PICALM: variants seen among roughly 807,000 people sequenced by gnomAD.
PICALM encodes the protein phosphatidylinositol binding clathrin assembly protein.
Under a neutral mutation model 80.5 loss-of-function variants are expected in PICALM, and 40 were observed. That is an observed-to-expected ratio of 0.50 (90% CI 0.39 to 0.65). The LOEUF (loss-of-function observed/expected upper bound fraction) is 0.65. Ranked by LOEUF, PICALM falls within the 30% of genes least tolerant of loss-of-function variation. PICALM has a pLI of 0.00. For synonymous variants in PICALM, 288 were observed against 260.3 expected (o/e 1.11, Z -1.02); for missense variants, 676 against 778.9 (o/e 0.87, Z 1.57).
chr11:86,037,110 T>C (rs1483405967), intron 1 of PICALM, among the ~76,000 whole-genome samples: 1 of 151,016 alleles, frequency 6.6e-6, no homozygotes, highest in Non-Finnish European at 1.5e-5. Flanking sequence ...CACGCCCAGC[T>C]AATTTTTGTA....
chr11:86,045,506 C>T (rs1182809219), intron 1 of PICALM, among the ~76,000 whole-genome samples: 1 of 105,878 alleles, frequency 9.4e-6, no homozygotes, highest in Non-Finnish European at 1.8e-5. Context: ...TAGTGAGACC[C>T]TGTCTTGAAA....
chr11:85,969,136 C>T (rs2094012631), intron 19 of PICALM, among the ~76,000 whole-genome samples: 1 of 152,114 alleles, frequency 6.6e-6, no homozygotes, highest in Admixed American at 6.6e-5. Flanking sequence ...TAGCTGCTTC[C>T]TCATAAACAA....
At chr11:85,969,193 C>A (rs1421119385) in intron 19 of PICALM, among the ~76,000 whole-genome samples, 1 of 152,150 alleles carries the variant, frequency 6.6e-6, no homozygotes, top group African/African-American at 2.4e-5. Context: ...GTAAGACACA[C>A]AACACACTGG....
chr11:85,992,925 T>C (rs1158133623), intron 12 of PICALM, among the ~76,000 whole-genome samples: 1 of 152,178 alleles, frequency 6.6e-6, no homozygotes, highest in South Asian at 2.1e-4. Context: ...GGAAAACCAG[T>C]TCCTAATCTA....
chr11:85,961,859 T>C (rs995448818), intron 19 of PICALM, among the ~76,000 whole-genome samples: 5 of 95,844 alleles, frequency 5.2e-5, no homozygotes, highest in Non-Finnish European at 9.3e-5. Context: ...TTCTACCTAT[T>C]TATTTATTTA....
At chr11:85,992,523 T>G (rs1435733081) in intron 12 of PICALM, among the ~76,000 whole-genome samples, 1 of 151,128 alleles carries the variant, frequency 6.6e-6, no homozygotes, top group African/African-American at 2.4e-5. Flanking sequence ...TAACCTCAGG[T>G]GATCCACCCG....
chr11:85,970,758 G>A (rs925591531), intron 19 of PICALM, among the ~76,000 whole-genome samples: 6 of 152,124 alleles, frequency 3.9e-5, no homozygotes, highest in Admixed American at 2.6e-4. Flanking sequence ...AGCTGAAATC[G>A]TACCACTGCC....
At chr11:86,010,958 A>C in intron 7 of PICALM, 72 bp downstream of exon 7, 4 of 699,606 alleles carry the variant, frequency 5.7e-6, no homozygotes, top group Middle Eastern at 2.4e-4. Context: ...TTGGATAGTG[A>C]GTGATGACTT....
chr11:86,025,295 G>T (rs546311343), intron 3 of PICALM, among the ~76,000 whole-genome samples: 2 of 152,160 alleles, frequency 1.3e-5, no homozygotes, highest in Admixed American at 1.3e-4. Flanking sequence ...AGCTACTCGG[G>T]AGGCTGAGGC....
At chr11:85,984,901 T>A (rs912161636) in intron 13 of PICALM, among the ~76,000 whole-genome samples, 4 of 152,130 alleles carry the variant, frequency 2.6e-5, no homozygotes, top group African/African-American at 9.7e-5. Flanking sequence ...GTCATGTGAT[T>A]TGGAGAACTT....
intron 1 of PICALM, among the ~76,000 whole-genome samples, chr11:86,054,939 C>T (rs535207298): frequency 6.6e-6 from 1 of 152,054 alleles, no homozygotes; most frequent in Non-Finnish European, 1.5e-5. Context: ...GCCTGGCCCA[C>T]TCATCTTTAT....
intron 1 of PICALM, among the ~76,000 whole-genome samples, chr11:86,055,414 T>C (rs1183676510): frequency 2.6e-5 from 4 of 152,292 alleles, no homozygotes; most frequent in Non-Finnish European, 5.9e-5. Context: ...ATGCAACTAT[T>C]TGTTACCTTC....
At chr11:86,027,696 T>C (rs945258207) in intron 2 of PICALM, among the ~76,000 whole-genome samples, 1 of 151,962 alleles carries the variant, frequency 6.6e-6, no homozygotes, top group Non-Finnish European at 1.5e-5. Flanking sequence ...TTTAAAAAAA[T>C]TTTTTGTAGA....
intron 1 of PICALM, among the ~76,000 whole-genome samples, chr11:86,044,615 T>C (rs896599022): frequency 2.0e-5 from 3 of 152,212 alleles, no homozygotes; most frequent in African/African-American, 7.2e-5. Context: ...CTAGTAAGCA[T>C]GTGAAGACCC....
At chr11:85,989,049 A>G (rs1014767908) in intron 13 of PICALM, among the ~76,000 whole-genome samples, 7 of 152,202 alleles carry the variant, frequency 4.6e-5, no homozygotes, top group Admixed American at 1.3e-4. Flanking sequence ...TAAAGCTTCA[A>G]TGAGGACAAG....
intron 5 of PICALM, among the ~76,000 whole-genome samples, chr11:86,013,020 A>T (rs1318419368): frequency 6.6e-6 from 1 of 152,200 alleles, no homozygotes; most frequent in Non-Finnish European, 1.5e-5. Flanking sequence ...ATGAAAAAAG[A>T]AAAGAACACG....
At position 86,064,927 on chromosome 11, in the gene PICALM, C is replaced by A. The variant is rs368865507; in HGVS notation, c.130+3724G>T. 3.0e-3 allele frequency among the ~76,000 whole-genome samples: 456 copies of A among 151,964 alleles called. 3 individuals are homozygous for A. The highest frequency in any genetic ancestry group is 0.01 in the African/African-American group (434 of 41,438). ...CCATCTCTCCAAAAATAAAAAGTTT[C>A]TTTAATTAACCAGGCGTGGTGGCAC... On this transcript the variant is annotated intron_variant, in intron 1 of 19. Coordinates refer to ENST00000393346, the MANE Select transcript of PICALM (RefSeq NM_007166.4).
At chr11:86,037,736 T>C (rs1438524408) in intron 1 of PICALM, among the ~76,000 whole-genome samples, 1 of 152,068 alleles carries the variant, frequency 6.6e-6, no homozygotes, top group African/African-American at 2.4e-5. Flanking sequence ...TTTTTTTGTA[T>C]ATATTGTATT....
At chr11:85,998,957 A>G (rs2095060601) in intron 11 of PICALM, among the ~76,000 whole-genome samples, 1 of 152,150 alleles carries the variant, frequency 6.6e-6, no homozygotes, top group Admixed American at 6.5e-5. Flanking sequence ...TCCAAAATAG[A>G]ATGTTTTTCT....
Sources: gnomAD v4.1 joint callset for allele counts (sites outside exome capture counted in the v4.1 genomes callset) on GRCh38, gnomAD v4.1.1 for gene constraint, MANE v1.5 for transcripts, NCBI Gene and HGNC (gene_info 2026-07-23, HGNC 2026-07-21) for gene names.